The following SUGCT variants were observed in gnomAD, a reference collection of about 807,000 sequenced individuals.
SUGCT encodes succinyl-CoA:glutarate CoA-transferase.
Under a neutral mutation model 55.0 loss-of-function variants are expected in SUGCT, and 41 were observed. The observed-to-expected ratio is 0.74, with a 90% CI of 0.58 to 0.97. The LOEUF is 0.97. Ranked by LOEUF, SUGCT falls within the 50% of genes least tolerant of loss-of-function variation. The pLI is 0.00. For synonymous variants in SUGCT, 187 were observed against 200.4 expected (o/e 0.93, Z 0.56); for missense variants, 568 against 547.8 (o/e 1.04, Z -0.37).
chr7:40,841,255 A>G (rs1793267769), intron 13 of SUGCT, among the ~76,000 whole-genome samples: 1 of 152,114 alleles, frequency 6.6e-6, no homozygotes, highest in South Asian at 2.1e-4. Flanking sequence ...TTCATCAATA[A>G]CTTTTTTACA....
chr7:40,858,416 A>AG (rs1415858508), intron 13 of SUGCT, among the ~76,000 whole-genome samples: 2 of 150,966 alleles, frequency 1.3e-5, no homozygotes, highest in East Asian at 3.9e-4. Flanking sequence ...AAAAAAAAAA[A>AG]AAAAAAAAAA....
intron 12 of SUGCT, among the ~76,000 whole-genome samples, chr7:40,640,717 G>A (rs1033869394): frequency 1.1e-4 from 16 of 152,272 alleles, no homozygotes; most frequent in Admixed American, 1.0e-3. Context: ...TCATCAAGTA[G>A]TACCGAAACT....
chr7:40,332,238 T>G (rs1482563960), intron 9 of SUGCT, among the ~76,000 whole-genome samples: 1 of 152,080 alleles, frequency 6.6e-6, no homozygotes, highest in Admixed American at 6.6e-5. Context: ...AGTAAGAATC[T>G]TTGCACTTCC....
the SUGCT span, among the ~76,000 whole-genome samples, chr7:40,912,716 A>G: frequency 6.6e-6 from 1 of 151,268 alleles, no homozygotes; most frequent in East Asian, 1.9e-4. Flanking sequence ...TCATTACTAC[A>G]TGACACAGTA....
intron 9 of SUGCT, among the ~76,000 whole-genome samples, chr7:40,320,770 A>G (rs1046549695): frequency 5.9e-5 from 9 of 152,190 alleles, no homozygotes; most frequent in African/African-American, 2.2e-4. Context: ...ATAGTGGGAA[A>G]AAAATGGAGT....
At chr7:40,581,933 C>T (rs150701752) in intron 12 of SUGCT, among the ~76,000 whole-genome samples, 1 of 152,122 alleles carries the variant, frequency 6.6e-6, no homozygotes, top group Non-Finnish European at 1.5e-5. Context: ...GTCCCTGCTC[C>T]TGCATGACTA....
At chr7:40,537,655 A>G (rs1402224310) in intron 12 of SUGCT, among the ~76,000 whole-genome samples, 5 of 152,340 alleles carry the variant, frequency 3.3e-5, no homozygotes, top group South Asian at 2.1e-4. Context: ...TTAACATTCA[A>G]ATGTACTGGA....
At chr7:40,443,184 C>G (rs546773105) in intron 9 of SUGCT, among the ~76,000 whole-genome samples, 1 of 152,120 alleles carries the variant, frequency 6.6e-6, no homozygotes, top group African/African-American at 2.4e-5. Context: ...AGTAAACATA[C>G]GTGTGCACGT....
At chr7:40,722,978 T>C (rs1048235591) in intron 12 of SUGCT, among the ~76,000 whole-genome samples, 3 of 152,192 alleles carry the variant, frequency 2.0e-5, no homozygotes, top group African/African-American at 7.2e-5. Flanking sequence ...AGTAATTTGC[T>C]TCCGAGATCA....
intron 9 of SUGCT, among the ~76,000 whole-genome samples, chr7:40,412,912 T>G (rs1482849155): frequency 6.6e-6 from 1 of 152,218 alleles, no homozygotes. Context: ...TCTGCCATAT[T>G]TATGTTAAAA....
intron 12 of SUGCT, among the ~76,000 whole-genome samples, chr7:40,676,497 GTTTTTTGTTTTT>G (rs995011764): frequency 6.3e-5 from 8 of 127,642 alleles, no homozygotes; most frequent in African/African-American, 1.0e-4. Flanking sequence ...TTGCGGTTTT[GTTTTTTGTTTTT>G]TTTTTTTTTT....
At chr7:40,581,209 A>T (rs1797070742) in intron 12 of SUGCT, among the ~76,000 whole-genome samples, 1 of 152,212 alleles carries the variant, frequency 6.6e-6, no homozygotes, top group Non-Finnish European at 1.5e-5. Flanking sequence ...TAAGAAAAAC[A>T]GTTTACAATT....
chr7:40,955,353 C>G, the SUGCT span, among the ~76,000 whole-genome samples: 1 of 152,102 alleles, frequency 6.6e-6, no homozygotes, highest in South Asian at 2.1e-4. Context: ...CTTCACATCC[C>G]TTGTAAGTTG....
At chr7:40,933,917 C>T in the SUGCT span, among the ~76,000 whole-genome samples, 35 of 152,152 alleles carry the variant, frequency 2.3e-4, no homozygotes, top group African/African-American at 8.4e-4. Context: ...TATTACCGAC[C>T]TTCCGAAGCC....
chr7:40,456,999 G>A (rs772106640), intron 10 of SUGCT, among the ~76,000 whole-genome samples: 1 of 151,964 alleles, frequency 6.6e-6, no homozygotes, highest in Non-Finnish European at 1.5e-5. Flanking sequence ...TTATTATCAT[G>A]GGTCTTCATT....
At chr7:40,998,327 G>C in the SUGCT span, among the ~76,000 whole-genome samples, 1 of 151,822 alleles carries the variant, frequency 6.6e-6, no homozygotes, top group African/African-American at 2.4e-5. Context: ...AGCCGAGATT[G>C]CACCACTGCA....
At chr7:40,946,318 G>C in the SUGCT span, among the ~76,000 whole-genome samples, 1 of 152,094 alleles carries the variant, frequency 6.6e-6, no homozygotes, top group African/African-American at 2.4e-5. Context: ...TGGGTGGAGG[G>C]GTAAGGTCAG....
At chr7:40,954,806 A>G in the SUGCT span, among the ~76,000 whole-genome samples, 12,494 of 152,118 alleles carry the variant, frequency 0.082, 567 homozygotes, top group African/African-American at 0.1. Flanking sequence ...TCTTGAATTA[A>G]TTTTTGTATA....
intron 12 of SUGCT, among the ~76,000 whole-genome samples, chr7:40,557,307 G>A (rs1055104362): frequency 1.3e-5 from 2 of 152,154 alleles, no homozygotes; most frequent in Non-Finnish European, 2.9e-5. Flanking sequence ...GCATGAAATT[G>A]TATCCTATCT....
Sources: allele counts gnomAD v4.1 joint callset (sites outside exome capture counted in the v4.1 genomes callset), GRCh38; gene constraint gnomAD v4.1.1; transcripts MANE v1.5; gene names NCBI Gene and HGNC (gene_info 2026-07-23, HGNC 2026-07-21).